GNAI1: variants seen among roughly 807,000 people sequenced by gnomAD.
GNAI1 encodes the protein G protein subunit alpha i1, also known as guanine nucleotide-binding protein G(i) subunit alpha-1.
In GNAI1, 11 loss-of-function variants were observed where a neutral mutation model predicts 38.9. That is an observed-to-expected ratio of 0.28 (90% CI 0.18 to 0.47). GNAI1 has a LOEUF of 0.47. Ranked by LOEUF, GNAI1 falls within the 20% of genes least tolerant of loss-of-function variation. GNAI1 has a pLI of 0.99. For synonymous variants in GNAI1, 166 were observed against 145.1 expected (o/e 1.14, Z -1.04); for missense variants, 317 against 436.9 (o/e 0.73, Z 2.45).
intron 3 of GNAI1, among the ~76,000 whole-genome samples, chr7:80,192,230 T>A (rs569662785): frequency 6.0e-4 from 92 of 152,324 alleles, no homozygotes; most frequent in African/African-American, 2.1e-3. Flanking sequence ...ATTCTTCACC[T>A]TATAATTTTT....
At chr7:80,178,536 A>G (rs895660107) in intron 1 of GNAI1, among the ~76,000 whole-genome samples, 2 of 152,204 alleles carry the variant, frequency 1.3e-5, no homozygotes, top group Admixed American at 6.5e-5. Context: ...AGCCATCACC[A>G]TGGAGGCAGG....
chr7:80,167,206 G>A (rs574939577), intron 1 of GNAI1, among the ~76,000 whole-genome samples: 1 of 152,322 alleles, frequency 6.6e-6, no homozygotes, highest in South Asian at 2.1e-4. Flanking sequence ...TGGACATCCA[G>A]ACTCGAACAC....
In GNAI1 at chr7:80,189,240, T is replaced by C. The variant is rs779159778; in HGVS notation, c.303+9T>C. 13 of 1,610,644 alleles carry C rather than the reference T, an allele frequency of 8.1e-6. No individual in the cohort carries two copies. Among genetic ancestry groups the C allele is most frequent in the African/African-American group, 1.3e-5 (1 of 74,674 alleles). ...GTGACTCAGCCCGGGCGGTAAGTTA[T>C]TAAATTTGTTGGAGCTGACCTGATG... On this transcript the variant is annotated intron_variant, in intron 3 of 7. Coordinates refer to ENST00000649796, the MANE Select transcript of GNAI1 (RefSeq NM_002069.6).
intron 1 of GNAI1, among the ~76,000 whole-genome samples, chr7:80,140,384 G>GA (rs1787506184): frequency 6.6e-6 from 1 of 152,324 alleles, no homozygotes; most frequent in South Asian, 2.1e-4. Flanking sequence ...ATTTAAACCT[G>GA]AAAAAGACTG....
chr7:80,167,703 G>A (rs1238169915), intron 1 of GNAI1, among the ~76,000 whole-genome samples: 5 of 152,150 alleles, frequency 3.3e-5, no homozygotes, highest in Non-Finnish European at 7.3e-5. Context: ...ATAGTTCACT[G>A]TACATGCAAA....
intron 1 of GNAI1, chr7:80,136,022 A>AT: frequency 1.0e-6 from 1 of 985,510 alleles, no homozygotes; most frequent in Non-Finnish European, 1.2e-6. Flanking sequence ...CACGCCAGAC[A>AT]ACAGGGTTCT....
chr7:80,155,550 G>T (rs1041370131), intron 1 of GNAI1, among the ~76,000 whole-genome samples: 1 of 152,114 alleles, frequency 6.6e-6, no homozygotes, highest in African/African-American at 2.4e-5. Context: ...TTCCTTAAAT[G>T]TATTTTATGT....
intron 1 of GNAI1, among the ~76,000 whole-genome samples, chr7:80,177,276 C>T (rs1289931278): frequency 2.6e-5 from 4 of 151,942 alleles, no homozygotes; most frequent in Non-Finnish European, 4.4e-5. Flanking sequence ...GTGATCCACC[C>T]GCCTCAGCCT....
At chr7:80,213,130 A>G (rs1380110003) in intron 7 of GNAI1, among the ~76,000 whole-genome samples, 1 of 152,230 alleles carries the variant, frequency 6.6e-6, no homozygotes, top group East Asian at 1.9e-4. Context: ...ACTATTTTTT[A>G]AATCCAGTTA....
intron 1 of GNAI1, among the ~76,000 whole-genome samples, chr7:80,172,566 G>C (rs1788114724): frequency 6.6e-6 from 1 of 151,850 alleles, no homozygotes; most frequent in Non-Finnish European, 1.5e-5. Context: ...TTGAAGTATT[G>C]TTCAGAGTTG....
At chr7:80,136,835 G>T (rs1482365905) in intron 1 of GNAI1, among the ~76,000 whole-genome samples, 1 of 152,148 alleles carries the variant, frequency 6.6e-6, no homozygotes, top group African/African-American at 2.4e-5. Flanking sequence ...TGAATCATCT[G>T]GTGGTGGTGT....
rs75280388 is a variant in GNAI1, at chr7:80,155,374, A to T, written c.118+20096A>T. Among the ~76,000 whole-genome samples the T allele has an allele frequency of 2.9e-3, 440 of 152,292 alleles. 9 individuals are homozygous for T. Among genetic ancestry groups the T allele is most frequent in the East Asian group, 0.015 (77 of 5,186 alleles). On this transcript the variant is annotated intron_variant, in intron 1 of 7. Transcript: ENST00000649796. ...CAGTAATATCGAATTCTGTATTTCT[A>T]TCCAATAGTACATATATAATGCCTA...
chr7:80,168,375 A>C (rs1284812675), intron 1 of GNAI1, among the ~76,000 whole-genome samples: 3 of 152,026 alleles, frequency 2.0e-5, no homozygotes, highest in Non-Finnish European at 4.4e-5. Context: ...TCACCATTTT[A>C]ATTATTTTAT....
At chr7:80,141,285 C>G (rs1481102636) in intron 1 of GNAI1, among the ~76,000 whole-genome samples, 9 of 152,184 alleles carry the variant, frequency 5.9e-5, no homozygotes, top group Admixed American at 5.9e-4. Flanking sequence ...CAACCCAATA[C>G]AGCCACAACT....
chr7:80,217,244 T>TTTAATATGTATGAAACTGA, intron 7 of GNAI1, 59 bp from the exon 8 acceptor site: 1 of 1,093,798 alleles, frequency 9.1e-7, no homozygotes. Context: ...CTGAATTCAG[T>TTTAATATGTATGAAACTGA]ATTTTAAGCA....
At chr7:80,203,988 G>T (rs1049524561) in intron 5 of GNAI1, among the ~76,000 whole-genome samples, 156 bp downstream of exon 5, 1 of 152,070 alleles carries the variant, frequency 6.6e-6, no homozygotes, top group African/African-American at 2.4e-5. Flanking sequence ...ATGTTTGGGA[G>T]AAAGAAGTCA....
At chr7:80,154,954 T>C in intron 1 of GNAI1, among the ~76,000 whole-genome samples, 1 of 152,164 alleles carries the variant, frequency 6.6e-6, no homozygotes, top group East Asian at 1.9e-4. Context: ...TAAAATATAG[T>C]TTGATCTTTA....
chr7:80,137,950 C>A (rs1254793640), intron 1 of GNAI1, among the ~76,000 whole-genome samples: 1 of 152,128 alleles, frequency 6.6e-6, no homozygotes, highest in South Asian at 2.1e-4. Context: ...TAAATTGTGA[C>A]CTTTTGGTTC....
At position 80,225,875 on chromosome 7, in the gene GNAI1, G is replaced by A. The variant is rs953568095; in HGVS notation, c.*8382G>A. On this transcript the variant is annotated 3_prime_UTR_variant, in exon 8 of 8. Coordinates refer to ENST00000649796, the MANE Select transcript of GNAI1 (RefSeq NM_002069.6). Reference sequence around the variant, plus strand: ...CAGATTTTAGCTACCCTTGTCCTTGGAATGTGTATGCACACACACACACAT... The same window carrying A: ...CAGATTTTAGCTACCCTTGTCCTTGAAATGTGTATGCACACACACACACAT... 2.2e-4 allele frequency among the ~76,000 whole-genome samples: 33 copies of A among 152,164 alleles called. No individual in the cohort carries two copies. Among genetic ancestry groups the A allele is most frequent in the Non-Finnish European group, 2.4e-4 (16 of 68,002 alleles).
Sources: gnomAD v4.1 joint callset for allele counts (sites outside exome capture counted in the v4.1 genomes callset) on GRCh38, gnomAD v4.1.1 for gene constraint, MANE v1.5 for transcripts, NCBI Gene and HGNC (gene_info 2026-07-23, HGNC 2026-07-21) for gene names.